Variants in TENM2 observed in about 807,000 individuals in gnomAD.
TENM2 encodes teneurin transmembrane protein 2.
A neutral mutation model predicts 245.2 loss-of-function variants in TENM2; 52 were observed. That is an observed-to-expected ratio of 0.21 (90% CI 0.17 to 0.27). The LOEUF (loss-of-function observed/expected upper bound fraction) is 0.27. Among genes scored for constraint, TENM2 ranks in the 10% least tolerant of loss-of-function variants. TENM2 has a pLI of 1.00. For synonymous variants in TENM2, 1,363 were observed against 1,438.9 expected (o/e 0.95, Z 1.19); for missense variants, 3,046 against 3,666.8 (o/e 0.83, Z 4.37).
At chr5:167,259,537 A>T in the TENM2 span, among the ~76,000 whole-genome samples, 2 of 152,196 alleles carry the variant, frequency 1.3e-5, no homozygotes. Context: ...AACTCTATCC[A>T]TTCTGTCTCC....
chr5:167,420,573 C>T (rs1187878489), intron 2 of TENM2, among the ~76,000 whole-genome samples: 4 of 152,176 alleles, frequency 2.6e-5, no homozygotes, highest in Non-Finnish European at 5.9e-5. Context: ...ACTAAGTATT[C>T]TTCCTGCCTG....
chr5:167,814,597 C>T (rs2151007968), intron 2 of TENM2, among the ~76,000 whole-genome samples: 1 of 150,756 alleles, frequency 6.6e-6, no homozygotes, highest in South Asian at 2.1e-4. Context: ...GCAAGATATC[C>T]TTAAGAGGCA....
At chr5:167,345,419 C>G (rs564974595) in intron 1 of TENM2, among the ~76,000 whole-genome samples, 2 of 152,184 alleles carry the variant, frequency 1.3e-5, no homozygotes, top group Non-Finnish European at 2.9e-5. Context: ...TTTACGCACC[C>G]AGGGCGTTGA....
At chr5:167,717,632 C>CCAAAAA (rs1759358111) in intron 2 of TENM2, among the ~76,000 whole-genome samples, 2 of 151,920 alleles carry the variant, frequency 1.3e-5, no homozygotes, top group Non-Finnish European at 2.9e-5. Flanking sequence ...TAAGTGTTTT[C>CCAAAAA]CCTTTCTGGT....
At chr5:167,860,708 C>T (rs1464981274) in intron 2 of TENM2, among the ~76,000 whole-genome samples, 1 of 50,016 alleles carries the variant, frequency 2.0e-5, no homozygotes, top group Non-Finnish European at 3.9e-5. Flanking sequence ...AGAAAAATTC[C>T]TCTGCCTTGG....
intron 9 of TENM2, among the ~76,000 whole-genome samples, chr5:168,105,531 G>A (rs960621305): frequency 3.9e-5 from 6 of 152,284 alleles, no homozygotes; most frequent in African/African-American, 1.2e-4. Flanking sequence ...AAGGCATCAT[G>A]AACATTTGAA....
At chr5:167,274,274 T>G in the TENM2 span, among the ~76,000 whole-genome samples, 87 of 152,294 alleles carry the variant, frequency 5.7e-4, 1 homozygote, top group African/African-American at 2.1e-3. Flanking sequence ...TCTTTAGGAT[T>G]GCTTTTTTCA....
At chr5:167,867,057 G>T (rs1051431621) in intron 2 of TENM2, among the ~76,000 whole-genome samples, 1 of 152,172 alleles carries the variant, frequency 6.6e-6, no homozygotes, top group Admixed American at 6.5e-5. Context: ...GAGGATCTGG[G>T]AGGTGTAATT....
chr5:167,978,265 A>G (rs1782586584), intron 4 of TENM2, among the ~76,000 whole-genome samples: 1 of 152,210 alleles, frequency 6.6e-6, no homozygotes, highest in South Asian at 2.1e-4. Context: ...TTCCTCTCCT[A>G]GGGAGATCCC....
intron 7 of TENM2, among the ~76,000 whole-genome samples, chr5:168,082,251 G>C (rs62383400): frequency 6.6e-6 from 1 of 152,118 alleles, no homozygotes; most frequent in Non-Finnish European, 1.5e-5. Context: ...CATGCGTCAC[G>C]TAGTTCTCGT....
At chr5:168,166,662 G>A (rs756850088) in intron 13 of TENM2, among the ~76,000 whole-genome samples, 4 of 152,190 alleles carry the variant, frequency 2.6e-5, no homozygotes, top group Non-Finnish European at 5.9e-5. Context: ...CGCAGGGGAC[G>A]CTGATGCAGG....
chr5:167,629,777 C>T (rs763484555), intron 2 of TENM2, among the ~76,000 whole-genome samples: 39 of 152,060 alleles, frequency 2.6e-4, no homozygotes, highest in Non-Finnish European at 4.7e-4. Context: ...GAAATTATTG[C>T]ACTTCTTGTG....
chr5:167,978,086 A>AGGTCC (rs1208398320), intron 4 of TENM2, among the ~76,000 whole-genome samples: 19 of 152,156 alleles, frequency 1.2e-4, no homozygotes, highest in African/African-American at 4.6e-4. Flanking sequence ...CTCTGCCATG[A>AGGTCC]TTGGAAGCTT....
At chr5:167,879,797 G>A (rs921488603) in intron 3 of TENM2, among the ~76,000 whole-genome samples, 5 of 152,104 alleles carry the variant, frequency 3.3e-5, no homozygotes, top group African/African-American at 1.2e-4. Context: ...TGTGGCAAAA[G>A]AGCTGTCCCA....
chr5:167,823,306 G>A (rs1350927921), intron 2 of TENM2, among the ~76,000 whole-genome samples: 2 of 152,042 alleles, frequency 1.3e-5, no homozygotes, highest in Non-Finnish European at 2.9e-5. Context: ...TGATGTTTGG[G>A]CAGTGAAGGT....
the TENM2 span, among the ~76,000 whole-genome samples, chr5:167,194,500 C>T: frequency 6.6e-6 from 1 of 151,934 alleles, no homozygotes; most frequent in Non-Finnish European, 1.5e-5. Context: ...ATTAAGGTAG[C>T]ATGCAGAGTT....
intron 4 of TENM2, among the ~76,000 whole-genome samples, chr5:167,984,301 A>G (rs1486166743): frequency 1.3e-5 from 2 of 152,248 alleles, no homozygotes; most frequent in Non-Finnish European, 2.9e-5. Context: ...GGCTGACTAC[A>G]AACATCAGAT....
At chr5:167,996,947 C>T (rs1340417707) in intron 5 of TENM2, among the ~76,000 whole-genome samples, 1 of 152,086 alleles carries the variant, frequency 6.6e-6, no homozygotes, top group Admixed American at 6.5e-5. Context: ...CCATGTTGGC[C>T]AGGCTGCTCT....
intron 2 of TENM2, among the ~76,000 whole-genome samples, chr5:167,504,096 C>T (rs35144300): frequency 0.38 from 58,008 of 151,770 alleles, 12,793 homozygotes; most frequent in Non-Finnish European, 0.52. Flanking sequence ...TTATTTTTTG[C>T]GTGCCTAATA....
Sources: gnomAD v4.1 joint callset for allele counts (sites outside exome capture counted in the v4.1 genomes callset) on GRCh38, gnomAD v4.1.1 for gene constraint, MANE v1.5 for transcripts, NCBI Gene and HGNC (gene_info 2026-07-23, HGNC 2026-07-21) for gene names.